PCDH15: variants seen among roughly 807,000 people sequenced by gnomAD.
The protein encoded by PCDH15 is protocadherin-15.
In PCDH15, 129 loss-of-function variants were observed where a neutral mutation model predicts 178.5. The ratio of observed to expected loss-of-function variants is 0.72; its 90% CI spans 0.63 to 0.84. The LOEUF (loss-of-function observed/expected upper bound fraction) is 0.84, where lower values mean the gene tolerates loss of function less well. Among genes scored for constraint, PCDH15 ranks in the 40% least tolerant of loss-of-function variants. PCDH15 has a pLI of 0.00. For missense variants in PCDH15, 2,230 were observed against 2,099.9 expected (o/e 1.06, Z -1.21); for synonymous variants, 800 against 732.0 (o/e 1.09, Z -1.50).
At chr10:55,341,799 ATATATATTTTTTTTTTTT>A (rs1394588181) in intron 2 of PCDH15, among the ~76,000 whole-genome samples, 8 of 11,486 alleles carry the variant, frequency 7.0e-4, no homozygotes, top group South Asian at 2.8e-3. Context: ...ATATATATAT[ATATATATTTTTTTTTTTT>A]TTTTTTTTTT....
At chr10:54,137,719 G>C (rs1697861199) in intron 14 of PCDH15, among the ~76,000 whole-genome samples, 1 of 152,192 alleles carries the variant, frequency 6.6e-6, no homozygotes, top group South Asian at 2.1e-4. Flanking sequence ...AGTTGGATTT[G>C]AGATTGTCAC....
intron 37 of PCDH15, among the ~76,000 whole-genome samples, chr10:53,807,764 T>C (rs950362541): frequency 6.6e-6 from 1 of 152,164 alleles, no homozygotes; most frequent in Non-Finnish European, 1.5e-5. Context: ...TAAAAGGAAA[T>C]ATCTTCTCAG....
At chr10:54,629,677 G>A (rs2093649849) in intron 2 of PCDH15, among the ~76,000 whole-genome samples, 1 of 152,052 alleles carries the variant, frequency 6.6e-6, no homozygotes, top group Admixed American at 6.6e-5. Flanking sequence ...TTGGGAACTG[G>A]AGCAAGACAA....
intron 2 of PCDH15, among the ~76,000 whole-genome samples, chr10:55,616,533 A>T (rs1394860961): frequency 2.0e-5 from 3 of 151,412 alleles, no homozygotes; most frequent in Non-Finnish European, 4.4e-5. Flanking sequence ...AAAAAAAAAA[A>T]GAGTAACTCT....
At chr10:54,171,984 C>A (rs571590082) in intron 13 of PCDH15, among the ~76,000 whole-genome samples, 4 of 151,404 alleles carry the variant, frequency 2.6e-5, no homozygotes, top group African/African-American at 7.3e-5. Flanking sequence ...TACCACCCCC[C>A]AAAAATTTTC....
chr10:55,287,522 C>A (rs1271580543), intron 1 of PCDH15, among the ~76,000 whole-genome samples: 1 of 151,956 alleles, frequency 6.6e-6, no homozygotes, highest in Non-Finnish European at 1.5e-5. Flanking sequence ...GATAATTTCA[C>A]CAGCAGGTGG....
intron 2 of PCDH15, among the ~76,000 whole-genome samples, chr10:55,166,088 T>G (rs1315932354): frequency 2.0e-5 from 3 of 152,202 alleles, no homozygotes; most frequent in South Asian, 2.1e-4. Context: ...CAGAAACACA[T>G]AAAAGAAAAT....
At chr10:55,233,893 C>A (rs921176707) in intron 1 of PCDH15, among the ~76,000 whole-genome samples, 17 of 151,980 alleles carry the variant, frequency 1.1e-4, no homozygotes, top group African/African-American at 3.9e-4. Flanking sequence ...AGACCACCCC[C>A]AAAAATGATT....
At chr10:54,156,562 G>C (rs1590841122) in intron 13 of PCDH15, among the ~76,000 whole-genome samples, 1 of 152,208 alleles carries the variant, frequency 6.6e-6, no homozygotes, top group East Asian at 1.9e-4. Context: ...CCTCCCACTG[G>C]GTCCTCCCAC....
chr10:54,826,016 C>T lies in PCDH15; in HGVS notation c.-29+71434G>A, dbSNP rs148848212. On this transcript the variant is annotated intron_variant, in intron 3 of 5. Transcript: ENST00000458638. ...AAAATTTTTCAGTCAGTATTCCAAACTTTCTGATAAAAATTTTAATTCCAT... is the reference window on the plus strand; with the variant it reads ...AAAATTTTTCAGTCAGTATTCCAAATTTTCTGATAAAAATTTTAATTCCAT... 2.2e-3 allele frequency among the ~76,000 whole-genome samples: 339 copies of T among 152,136 alleles called. 2 individuals are homozygous for T. Among genetic ancestry groups the T allele is most frequent in the African/African-American group, 6.5e-3 (270 of 41,538 alleles).
chr10:54,042,925 T>C (rs377246982), intron 18 of PCDH15, among the ~76,000 whole-genome samples: 2 of 152,138 alleles, frequency 1.3e-5, no homozygotes, highest in Non-Finnish European at 2.9e-5. Flanking sequence ...CTTTGGAATA[T>C]GTTTCAGACA....
intron 21 of PCDH15, chr10:53,995,432 G>A: frequency 1.3e-6 from 1 of 750,076 alleles, no homozygotes; most frequent in East Asian, 2.8e-5. Context: ...GTGCATTCTA[G>A]AAAAACAAAA....
chr10:54,563,264 A>T (rs1219133993), intron 2 of PCDH15, among the ~76,000 whole-genome samples: 1 of 120,062 alleles, frequency 8.3e-6, no homozygotes, highest in Non-Finnish European at 1.7e-5. Flanking sequence ...ACAAGCTAAG[A>T]CTGAGTCTAC....
intron 2 of PCDH15, among the ~76,000 whole-genome samples, chr10:54,556,721 T>A (rs548106188): frequency 1.3e-5 from 2 of 150,824 alleles, no homozygotes; most frequent in African/African-American, 4.9e-5. Context: ...GGCCACTCCA[T>A]AGAGATTTCA....
chr10:54,121,998 CACAT>C (rs1236507775), intron 15 of PCDH15, among the ~76,000 whole-genome samples: 24 of 108,060 alleles, frequency 2.2e-4, no homozygotes, highest in East Asian at 1.1e-3. Context: ...CGGGCAAAGA[CACAT>C]ACACACACAC....
intron 3 of PCDH15, among the ~76,000 whole-genome samples, chr10:54,479,960 T>C (rs73255953): frequency 6.6e-6 from 1 of 152,052 alleles, no homozygotes; most frequent in Non-Finnish European, 1.5e-5. Context: ...TTTTAGTGAT[T>C]TGATTTAGAT....
chr10:54,748,840 T>A (rs1945812394), intron 1 of PCDH15, among the ~76,000 whole-genome samples: 1 of 152,186 alleles, frequency 6.6e-6, no homozygotes, highest in South Asian at 2.1e-4. Flanking sequence ...ATGCTGTACT[T>A]GAGAATGTAT....
At chr10:55,598,334 A>G (rs866017679) in intron 2 of PCDH15, among the ~76,000 whole-genome samples, 1 of 115,036 alleles carries the variant, frequency 8.7e-6, no homozygotes, top group African/African-American at 3.7e-5. Context: ...CTATGCTTAC[A>G]CAAATAGTTA....
At chr10:53,980,799 A>G (rs557011409) in intron 21 of PCDH15, among the ~76,000 whole-genome samples, 1 of 152,344 alleles carries the variant, frequency 6.6e-6, no homozygotes, top group Admixed American at 6.5e-5. Flanking sequence ...TATACTCTAG[A>G]GTGCCCAAAC....
Sources: gnomAD v4.1 joint callset for allele counts (sites outside exome capture counted in the v4.1 genomes callset) on GRCh38, gnomAD v4.1.1 for gene constraint, MANE v1.5 for transcripts, NCBI Gene and HGNC (gene_info 2026-07-23, HGNC 2026-07-21) for gene names.